Variants in NUP35 observed in about 807,000 individuals in gnomAD.
NUP35 encodes the protein nucleoporin NUP35.
In NUP35, 25 loss-of-function variants were observed where a neutral mutation model predicts 41.5. The ratio of observed to expected loss-of-function variants is 0.60; its 90% CI spans 0.44 to 0.84. The LOEUF (loss-of-function observed/expected upper bound fraction) is 0.84. Among genes scored for constraint, NUP35 ranks in the 40% least tolerant of loss-of-function variants. The pLI, the probability that NUP35 is intolerant of heterozygous loss-of-function variation, is 0.00. For missense variants in NUP35, 396 were observed against 396.6 expected, an observed-to-expected ratio of 1.00 and a Z score of 0.01; for synonymous variants, 149 against 130.7, an observed-to-expected ratio of 1.14 and a Z score of -0.96.
In NUP35 at chr2:183,134,075, T is replaced by C. The variant is rs1396080757; in HGVS notation, c.397+452T>C. ...TTTGAGAGATGTTAATGCATAGTTA[T>C]AAATCTAAATGCCGTTGAATAGAAG... On this transcript the variant is annotated intron_variant, in intron 4 of 8. Transcript: ENST00000295119. Among the ~76,000 whole-genome samples the C allele has an allele frequency of 2.6e-5, 4 of 152,256 alleles. No homozygotes were observed. The East Asian group carries it at 7.7e-4, about 29-fold the overall frequency.
At chr2:183,129,394 T>A (rs1050388922) in intron 2 of NUP35, among the ~76,000 whole-genome samples, 4 of 152,226 alleles carry the variant, frequency 2.6e-5, no homozygotes. Flanking sequence ...TGAGCTAATA[T>A]CCTTTAGTAG....
upstream of NUP35, among the ~76,000 whole-genome samples, chr2:183,121,338 T>A (rs529277665): frequency 2.4e-3 from 362 of 152,238 alleles, 2 homozygotes; most frequent in African/African-American, 8.2e-3. Context: ...TAGACACTTC[T>A]TTTGAGATTT....
At chr2:183,139,918 T>C (rs1385191674) in intron 4 of NUP35, among the ~76,000 whole-genome samples, 1 of 152,250 alleles carries the variant, frequency 6.6e-6, no homozygotes, top group Admixed American at 6.5e-5. Flanking sequence ...CACAGGTAAC[T>C]AATATATGTA....
In NUP35 at chr2:183,158,269, T is replaced by A; in HGVS notation, c.610-14T>A. On this transcript the variant is annotated splice_polypyrimidine_tract_variant and intron_variant, in intron 6 of 8. Transcript: ENST00000295119. ...TATATTTTCTATTTTAAGAGACAGT[T>A]TTATTCTTTGCAGATGTCTAATACA... The A allele has an allele frequency of 6.6e-7, 1 of 1,522,884 alleles. No individual in the cohort carries two copies. Among genetic ancestry groups the A allele is most frequent in the Non-Finnish European group, 8.9e-7 (1 of 1,127,140 alleles). The allele number at this position is 1,522,884 out of a possible 1,614,324, so 94.3% of individuals were successfully genotyped here. A position where few individuals can be genotyped will look rare whatever the true frequency, so the allele number is the denominator to read the frequency against.
At chr2:183,147,783 C>G (rs906437371) in intron 4 of NUP35, among the ~76,000 whole-genome samples, 1 of 152,128 alleles carries the variant, frequency 6.6e-6, no homozygotes, top group African/African-American at 2.4e-5. Flanking sequence ...TTTAATGATG[C>G]TGATTCTTCT....
At chr2:183,124,286 C>CA, upstream of NUP35, 1 of 1,430,024 alleles carries the variant, frequency 7.0e-7, no homozygotes, top group Non-Finnish European at 9.2e-7. Context: ...ATTCTCAGCG[C>CA]AAAGACTTTG....
At chr2:183,132,373 C>T (rs1161746430) in intron 3 of NUP35, among the ~76,000 whole-genome samples, 1 of 150,182 alleles carries the variant, frequency 6.7e-6, no homozygotes, top group Non-Finnish European at 1.5e-5. Flanking sequence ...GGCTACATGG[C>T]GAAACTCTTG....
At chr2:183,152,489 G>A (rs1685506898) in intron 5 of NUP35, among the ~76,000 whole-genome samples, 1 of 151,980 alleles carries the variant, frequency 6.6e-6, no homozygotes, top group Non-Finnish European at 1.5e-5. Flanking sequence ...TTATGCTTTT[G>A]CATCATCATA....
chr2:183,119,659 T>G (rs1700039070), upstream of NUP35, among the ~76,000 whole-genome samples: 1 of 151,542 alleles, frequency 6.6e-6, no homozygotes, highest in Non-Finnish European at 1.5e-5. Flanking sequence ...AAGGTTAGGA[T>G]GAGGAGGTGA....
chr2:183,121,197 T>C (rs535838382), upstream of NUP35, among the ~76,000 whole-genome samples: 2 of 152,144 alleles, frequency 1.3e-5, no homozygotes, highest in Non-Finnish European at 2.9e-5. Context: ...AGGTCTAATT[T>C]GGCAATTAGA....
rs1168012421 is a variant in NUP35 at position 183,148,325 on chromosome 2, A to C, written c.398-3183A>C. On this transcript the variant is annotated intron_variant, in intron 4 of 8. Transcript: ENST00000295119. ...CTTTTCGTTTGGTTAGATACCCAGT[A>C]AGAGAAATTGTTGGATTGAATGGTA... Among the ~76,000 whole-genome samples, 4 of 152,194 alleles carry C rather than the reference A, an allele frequency of 2.6e-5. No homozygotes were observed. The East Asian group carries it at 7.7e-4, about 29-fold the overall frequency.
At chr2:183,152,098 T>C (rs1685486357) in intron 5 of NUP35, among the ~76,000 whole-genome samples, 1 of 132,126 alleles carries the variant, frequency 7.6e-6, no homozygotes, top group African/African-American at 2.8e-5. Context: ...ATTAACAGAA[T>C]GAACATTTAC....
intron 6 of NUP35, 36 bp downstream of exon 6, chr2:183,157,549 T>C: frequency 7.4e-7 from 1 of 1,348,584 alleles, no homozygotes; most frequent in Non-Finnish European, 1.1e-6. Flanking sequence ...GAGTTTTGAC[T>C]AAAGAGGGAT....
intron 6 of NUP35, 86 bp downstream of exon 6, chr2:183,157,599 GT>G (rs1450608211): frequency 3.6e-5 from 35 of 958,966 alleles, no homozygotes; most frequent in Middle Eastern, 2.4e-4. Context: ...AATTTTGTGG[GT>G]TTTTTTTAAA....
At position 183,128,314 on chromosome 2, in the gene NUP35, C is replaced by T. The variant is rs746795536; in HGVS notation, c.68C>T (p.Pro23Leu). 1 of 1,612,652 alleles carries T rather than the reference C, an allele frequency of 6.2e-7. No homozygotes were observed. Residue 23 changes from proline (P) to leucine (L), a missense_variant, in exon 2 of 9, where the codon CCC becomes CTC. Transcript: ENST00000295119. Reference sequence around the variant, plus strand: ...TCTGAACCAATGATGCTGGGTTCACCCACATCTCCAAAGCCAGGAGTTAAT... The same window carrying T: ...TCTGAACCAATGATGCTGGGTTCACTCACATCTCCAAAGCCAGGAGTTAAT... ...LGSEPMMLGS[P>L]TSPKPGVNAQ...
intron 5 of NUP35, among the ~76,000 whole-genome samples, chr2:183,156,607 C>T (rs193208952): frequency 6.6e-6 from 1 of 152,132 alleles, no homozygotes; most frequent in East Asian, 1.9e-4. Context: ...TCCCAAAGTG[C>T]TGGTTGGTAT....
intron 4 of NUP35, among the ~76,000 whole-genome samples, chr2:183,134,816 G>C (rs2105558816): frequency 6.6e-6 from 1 of 151,250 alleles, no homozygotes; most frequent in African/African-American, 2.4e-5. Flanking sequence ...GGTAGAGATG[G>C]GGTGTCACCG....
At chr2:183,143,427 TG>T (rs1181278492) in intron 4 of NUP35, among the ~76,000 whole-genome samples, 2 of 152,214 alleles carry the variant, frequency 1.3e-5, no homozygotes, top group Non-Finnish European at 2.9e-5. Context: ...TATATCTTAC[TG>T]GGCTTCACTT....
In NUP35 at chr2:183,146,689, C is replaced by T. The variant is rs148739076; in HGVS notation, c.398-4819C>T. 1.1e-4 allele frequency among the ~76,000 whole-genome samples: 17 copies of T among 152,084 alleles called. No homozygotes were observed. In the East Asian group the frequency reaches 1.9e-3, roughly 17 times the overall value. Reference sequence around the variant, plus strand: ...TTGGCTCACTGCAACCTCTACTCCCCGGGTTTGAGCGATTCTCTTGTCTCA... The same window carrying T: ...TTGGCTCACTGCAACCTCTACTCCCTGGGTTTGAGCGATTCTCTTGTCTCA... On this transcript the variant is annotated intron_variant, in intron 4 of 8. Transcript: ENST00000295119.
Sources: gnomAD v4.1 joint callset for allele counts (sites outside exome capture counted in the v4.1 genomes callset) on GRCh38, gnomAD v4.1.1 for gene constraint, MANE v1.5 for transcripts, NCBI Gene and HGNC (gene_info 2026-07-23, HGNC 2026-07-21) for gene names.